ATE1: variants seen among roughly 807,000 people sequenced by gnomAD.
ATE1 encodes the protein arginyltransferase 1, also known as arginyl-tRNA--protein transferase 1.
ATE1 carries 36 observed loss-of-function variants against 70.5 expected under a neutral mutation model. The ratio of observed to expected loss-of-function variants is 0.51; its 90% CI spans 0.39 to 0.67. The LOEUF (loss-of-function observed/expected upper bound fraction) is 0.67. Among genes scored for constraint, ATE1 ranks in the 30% least tolerant of loss-of-function variants. The pLI is 0.00. For synonymous variants in ATE1, 232 were observed against 219.3 expected (o/e 1.06, Z -0.51); for missense variants, 593 against 629.5 (o/e 0.94, Z 0.62).
chr10:121,864,731 T>C (rs1001315560), intron 8 of ATE1, among the ~76,000 whole-genome samples: 2 of 152,240 alleles, frequency 1.3e-5, no homozygotes, highest in Admixed American at 1.3e-4. Context: ...TTATTAACGA[T>C]ACCTCTTTGT....
At chr10:121,746,046 TA>T (rs1944357438) in intron 11 of ATE1, among the ~76,000 whole-genome samples, 1 of 152,174 alleles carries the variant, frequency 6.6e-6, no homozygotes, top group Non-Finnish European at 1.5e-5. Context: ...AACGTATTGC[TA>T]ACCCTTCCCT....
intron 10 of ATE1, among the ~76,000 whole-genome samples, chr10:121,824,560 A>G (rs1300247241): frequency 6.6e-6 from 1 of 152,208 alleles, no homozygotes; most frequent in Non-Finnish European, 1.5e-5. Context: ...TGAGACATTC[A>G]CATAAGCATA....
chr10:121,812,410 G>T (rs571562597), intron 10 of ATE1, among the ~76,000 whole-genome samples: 1 of 152,032 alleles, frequency 6.6e-6, no homozygotes, highest in Non-Finnish European at 1.5e-5. Flanking sequence ...GGCAACAAAG[G>T]GAGAAATGGG....
At chr10:121,800,064 T>A (rs1946815571) in intron 10 of ATE1, among the ~76,000 whole-genome samples, 1 of 152,186 alleles carries the variant, frequency 6.6e-6, no homozygotes, top group Non-Finnish European at 1.5e-5. Flanking sequence ...TTTTTAAAAA[T>A]CTTTCTTTTT....
intron 11 of ATE1, among the ~76,000 whole-genome samples, chr10:121,744,065 G>A (rs1197103875): frequency 6.6e-6 from 1 of 151,546 alleles, no homozygotes; most frequent in Admixed American, 6.6e-5. Context: ...TGGGATTACA[G>A]GTGTGTGCCA....
chr10:121,867,231 C>T (rs1949694781), intron 8 of ATE1, among the ~76,000 whole-genome samples: 1 of 152,150 alleles, frequency 6.6e-6, no homozygotes, highest in African/African-American at 2.4e-5. Context: ...GGTCCTCTCT[C>T]AATGAGCTTA....
intron 10 of ATE1, among the ~76,000 whole-genome samples, chr10:121,805,801 A>C (rs1209149602): frequency 3.3e-5 from 5 of 152,238 alleles, no homozygotes; most frequent in Admixed American, 3.3e-4. Context: ...GATTGTGGGC[A>C]ACAAGATATT....
chr10:121,819,080 T>TA (rs1947678656), intron 10 of ATE1, among the ~76,000 whole-genome samples: 1 of 152,176 alleles, frequency 6.6e-6, no homozygotes, highest in Non-Finnish European at 1.5e-5. Context: ...AACAATGGGG[T>TA]AAATGTGCTG....
At chr10:121,789,016 A>G (rs1234396288) in intron 11 of ATE1, among the ~76,000 whole-genome samples, 3 of 152,218 alleles carry the variant, frequency 2.0e-5, no homozygotes, top group Non-Finnish European at 4.4e-5. Context: ...GAGAGGGATC[A>G]CAGTAAATAA....
intron 11 of ATE1, among the ~76,000 whole-genome samples, chr10:121,757,979 T>C (rs1392145111): frequency 2.6e-5 from 4 of 152,370 alleles, no homozygotes; most frequent in East Asian, 1.9e-4. Flanking sequence ...TATTTTCATA[T>C]TGTTTCTTTT....
At chr10:121,846,567 A>G (rs1435115711) in intron 8 of ATE1, 1 of 152,142 alleles carries the variant, frequency 6.6e-6, no homozygotes, top group Non-Finnish European at 1.5e-5. Flanking sequence ...CAATTTCTCA[A>G]ACTTCCATTG....
At chr10:121,854,323 T>G (rs1442210506) in intron 8 of ATE1, among the ~76,000 whole-genome samples, 2 of 152,224 alleles carry the variant, frequency 1.3e-5, no homozygotes, top group Non-Finnish European at 2.9e-5. Context: ...GTACCAGTTT[T>G]AATGCCTTAC....
intron 11 of ATE1, among the ~76,000 whole-genome samples, chr10:121,765,847 T>G (rs1945257860): frequency 1.3e-5 from 2 of 152,172 alleles, no homozygotes; most frequent in Admixed American, 1.3e-4. Flanking sequence ...TTAATTTTAT[T>G]GGCAATTTGA....
At chr10:121,810,661 C>T (rs1947282773) in intron 10 of ATE1, among the ~76,000 whole-genome samples, 1 of 152,034 alleles carries the variant, frequency 6.6e-6, no homozygotes, top group Admixed American at 6.6e-5. Context: ...CTATCAAAAT[C>T]AAAATCTCTC....
intron 7 of ATE1, 27 bp from the exon 8 acceptor site, chr10:121,870,065 T>C: frequency 1.2e-6 from 2 of 1,603,608 alleles, no homozygotes; most frequent in Non-Finnish European, 1.7e-6. Flanking sequence ...ACAGAATCCA[T>C]TTCATCCAGT....
At chr10:121,832,580 T>C (rs1003137538) in intron 10 of ATE1, among the ~76,000 whole-genome samples, 4 of 152,220 alleles carry the variant, frequency 2.6e-5, no homozygotes, top group Non-Finnish European at 4.4e-5. Flanking sequence ...CGATATCTGA[T>C]GGTTTTATTA....
At chr10:121,853,103 G>A (rs1044230777) in intron 8 of ATE1, among the ~76,000 whole-genome samples, 2 of 152,010 alleles carry the variant, frequency 1.3e-5, no homozygotes, top group African/African-American at 4.8e-5. Context: ...AAGAGGCTGG[G>A]TGCGGTGGCC....
intron 10 of ATE1, among the ~76,000 whole-genome samples, chr10:121,829,708 CAAAAAAAAAGA>C (rs1490678490): frequency 3.6e-5 from 4 of 112,412 alleles, no homozygotes; most frequent in Admixed American, 9.6e-5. Context: ...GACTCTGTCT[CAAAAAAAAAGA>C]AAAAAAAAAG....
Position 121,836,831 on chromosome 10 carries a change from A to C in ATE1, c.1158-14T>G. The C allele has an allele frequency of 6.5e-7, 1 of 1,548,470 alleles. No homozygotes were observed. The highest frequency in any genetic ancestry group is 8.8e-7 in the Non-Finnish European group (1 of 1,131,156). ...AAAGCAATTTCTCTGCGAAAAGAAA[A>C]AGAAGAAAGCTGAAGGCAGTTAATT... is the stretch of plus-strand genomic sequence containing the variant. On this transcript the variant is annotated splice_polypyrimidine_tract_variant and intron_variant, in intron 9 of 11. Transcript: ENST00000224652.
Sources: gnomAD v4.1 joint callset for allele counts (sites outside exome capture counted in the v4.1 genomes callset) on GRCh38, gnomAD v4.1.1 for gene constraint, MANE v1.5 for transcripts, NCBI Gene and HGNC (gene_info 2026-07-23, HGNC 2026-07-21) for gene names.